MBD6: variants seen among roughly 807,000 people sequenced by gnomAD.
The protein encoded by MBD6 is methyl-CpG binding domain protein 6.
MBD6 carries 22 observed loss-of-function variants against 66.8 expected under a neutral mutation model. The ratio of observed to expected loss-of-function variants is 0.33; its 90% CI spans 0.24 to 0.47. The LOEUF (loss-of-function observed/expected upper bound fraction) is 0.47, where lower values mean the gene tolerates loss of function less well. Among genes scored for constraint, MBD6 ranks in the 20% least tolerant of loss-of-function variants. The pLI, the probability that MBD6 is intolerant of heterozygous loss-of-function variation, is 1.00. For synonymous variants in MBD6, 540 were observed against 534.6 expected (o/e 1.01, Z -0.14); for missense variants, 1,322 against 1,286.9 (o/e 1.03, Z -0.42).
Position 57,525,813 on chromosome 12 carries a change from C to T in MBD6, c.845C>T (p.Pro282Leu). Residue 282 changes from proline (P) to leucine (L), a missense_variant, in exon 6 of 13, where the codon CCT becomes CTT. Pro to Leu is a moderately conservative substitution (Grantham distance 98, BLOSUM62 -3). Transcript: ENST00000355673. The part of the protein sequence containing the change: ...LPPSNNLPAH[P>L]GPASQPPVSS... ...CCGAGCAATAATCTCCCCGCCCACC[C>T]TGGTCCTGCCTCTCAGCCACCAGTG... 1 of 1,613,610 alleles carries T rather than the reference C, an allele frequency of 6.2e-7. No individual in the cohort carries two copies. The highest frequency in any genetic ancestry group is 8.5e-7 in the Non-Finnish European group (1 of 1,179,766).
At chr12:57,531,384 G>A (rs753706094), downstream of MBD6, among the ~76,000 whole-genome samples, 6 of 152,168 alleles carry the variant, frequency 3.9e-5, no homozygotes, top group Non-Finnish European at 8.8e-5. Context: ...AGGTGTGGTG[G>A]TGCGTGCCTG....
downstream of MBD6, chr12:57,530,682 A>G (rs550502131): frequency 2.5e-6 from 4 of 1,612,904 alleles, no homozygotes; most frequent in East Asian, 2.2e-5. Context: ...CCAGCTCCCA[A>G]ATGTGCTCAC....
Position 57,526,017 on chromosome 12 carries a change from C to T in MBD6, c.1049C>T (p.Ala350Val), listed in dbSNP as rs1215718953. The change falls in exon 6 of 13, where the codon GCA becomes GTA. Residue 350 changes from alanine to valine, a missense_variant. By Grantham distance (64) the Ala-to-Val change is moderately conservative. Coordinates refer to ENST00000355673, the MANE Select transcript of MBD6 (RefSeq NM_052897.4). ...CAGGGCCGAAGGCCCCGTGCCCAGGCACCCTCAGCTTCCCACTCCTCATCA... is the reference window on the plus strand; with the variant it reads ...CAGGGCCGAAGGCCCCGTGCCCAGGTACCCTCAGCTTCCCACTCCTCATCA... ...TLQGRRPRAQ[A>V]PSASHSSSLR... The T allele has an allele frequency of 1.2e-6, 2 of 1,613,974 alleles. No homozygotes were observed. The highest frequency in any genetic ancestry group is 1.1e-5 in the South Asian group (1 of 91,076).
In MBD6 at chr12:57,525,730, A is replaced by C. The variant is rs1594858439; in HGVS notation, c.762A>C (p.Pro254=). Residue 254 remains proline (P), a synonymous_variant, in exon 6 of 13, where the codon CCA becomes CCC. Coordinates refer to ENST00000355673, the MANE Select transcript of MBD6 (RefSeq NM_052897.4). ...SPPAPHASSS[P]PSDPPLFHCS... ...CGGCCCCTCATGCCTCCTCCTCACC[A>C]CCTTCAGACCCTCCTCTCTTCCACT... The C allele has an allele frequency of 6.2e-7, 1 of 1,611,408 alleles. No homozygotes were observed. Among genetic ancestry groups the C allele is most frequent in the Admixed American group, 1.7e-5 (1 of 59,840 alleles).
downstream of MBD6, chr12:57,530,606 T>G (rs985060983): frequency 4.7e-5 from 57 of 1,219,950 alleles, no homozygotes; most frequent in Non-Finnish European, 3.9e-5. Context: ...GCTAGAGTTA[T>G]AGTAAAGGGG....
At position 57,527,400 on chromosome 12, in the gene MBD6, C is replaced by T. The variant is rs540300614; in HGVS notation, c.2083-107C>T. 4.3e-4 allele frequency: 594 copies of T among 1,394,110 alleles called. 4 individuals are homozygous for T. The highest frequency in any genetic ancestry group is 3.2e-3 in the African/African-American group (225 of 70,722). 86.4% of individuals were successfully genotyped at this position (1,394,110 alleles called of 1,614,324 possible). A position where few individuals can be genotyped will look rare whatever the true frequency, so the allele number is the denominator to read the frequency against. On this transcript the variant is annotated intron_variant, in intron 7 of 12. Coordinates refer to ENST00000355673, the MANE Select transcript of MBD6 (RefSeq NM_052897.4). ...AAGAATTGGGTCTGTATTTAATAAG[C>T]ATGGCCTATCTCACTTGAGGCTTCA...
At position 57,526,224 on chromosome 12, in the gene MBD6, C is replaced by A; in HGVS notation, c.1256C>A (p.Pro419His). The A allele has an allele frequency of 6.2e-7, 1 of 1,614,098 alleles. No homozygotes were observed. The highest frequency in any genetic ancestry group is 8.5e-7 in the Non-Finnish European group (1 of 1,180,006). ...TCTGTGCTGTCCCTGCTGGGACTCC[C>A]CACCCCTGGCCCTTCCCACTCTGAT... ...LPSVLSLLGL[P>H]TPGPSHSDGS... Residue 419 changes from proline (P) to histidine (H), a missense_variant, in exon 6 of 13, where the codon CCC becomes CAC. Physicochemically the swap from Pro to His is moderately conservative, Grantham distance 77 (BLOSUM62 -2). Coordinates refer to ENST00000355673, the MANE Select transcript of MBD6 (RefSeq NM_052897.4).
chr12:57,524,401 C>T lies in MBD6; in HGVS notation c.98C>T (p.Ala33Val), dbSNP rs1434984331. The change falls in exon 3 of 13, where the codon GCT becomes GTT. Residue 33 changes from alanine (A) to valine (V), a missense_variant. Transcript: ENST00000355673. ...TGGCAGCGCTGTGTGCGAGAGGGTG[C>T]TGTGCTCTACATCAGGTACGGATCT... is the stretch of plus-strand genomic sequence containing the variant. Reference protein sequence around the residue: ...IGWQRCVREGAVLYISPSGTE... With the variant: ...IGWQRCVREGVVLYISPSGTE... 1 of 1,589,920 alleles carries T rather than the reference C, an allele frequency of 6.3e-7. No homozygotes were observed. The highest frequency in any genetic ancestry group is 8.6e-7 in the Non-Finnish European group (1 of 1,168,582).
Position 57,527,954 on chromosome 12 carries a change from G to A in MBD6, c.2343G>A (p.Gly781=). 6.3e-7 allele frequency: 1 copy of A among 1,595,574 alleles called. No homozygotes were observed. The highest frequency in any genetic ancestry group is 8.5e-7 in the Non-Finnish European group (1 of 1,172,578). ...GQLGLQLLPG[G]GAPPPLSEAS... The stretch of plus-strand genomic sequence containing the variant: ...TGGGGCTGCAGCTCCTCCCTGGGGG[G>A]GGAGCTCCTCCACCCCTCTCAGAGG... The change falls in exon 9 of 13, where the codon GGG becomes GGA. Residue 781 remains glycine (G), a synonymous_variant. Transcript: ENST00000355673.
In MBD6 at chr12:57,525,402, C is replaced by T; in HGVS notation, c.434C>T (p.Ala145Val). 1 of 1,542,272 alleles carries T rather than the reference C, an allele frequency of 6.5e-7. No individual in the cohort carries two copies. The highest frequency in any genetic ancestry group is 8.7e-7 in the Non-Finnish European group (1 of 1,151,328). ...ACTGTGTCCCCAGGGCCCCCCTCTGCCCGCCCTCCCTGTCGAGTTCCTCCT... is the reference window on the plus strand; with the variant it reads ...ACTGTGTCCCCAGGGCCCCCCTCTGTCCGCCCTCCCTGTCGAGTTCCTCCT... The part of the protein sequence containing the change: ...FHTVSPGPPS[A>V]RPPCRVPPTT... Residue 145 changes from alanine to valine, a missense_variant, in exon 6 of 13, where the codon GCC (alanine) becomes GTC (valine). Coordinates refer to ENST00000355673, the MANE Select transcript of MBD6 (RefSeq NM_052897.4).
In MBD6 at chr12:57,529,432, C is replaced by CCCT. The variant is rs1879395973; in HGVS notation, c.*200_*201insTCC. On this transcript the variant is annotated 3_prime_UTR_variant, in exon 13 of 13. Coordinates refer to ENST00000355673, the MANE Select transcript of MBD6 (RefSeq NM_052897.4). ...CAGGGAAGTTCACCCCCCCCCACCA[C>CCCT]CCCCCCGCCCCCCCGAAGCCATGTC... 1 of 512,340 alleles carries CCCT rather than the reference C, an allele frequency of 2.0e-6. No individual in the cohort carries two copies. 31.7% of individuals were successfully genotyped at this position (512,340 alleles called of 1,614,324 possible).
At position 57,527,405 on chromosome 12, in the gene MBD6, C is replaced by A. The variant is rs1284605; in HGVS notation, c.2083-102C>A. ...TTGGGTCTGTATTTAATAAGCATGG[C>A]CTATCTCACTTGAGGCTTCAGTCAG... On this transcript the variant is annotated intron_variant, in intron 7 of 12. Transcript: ENST00000355673. 4 of 1,407,492 alleles carry A rather than the reference C, an allele frequency of 2.8e-6. No homozygotes were observed. The African/African-American group carries it at 4.2e-5, about 15-fold the overall frequency. The allele number at this position is 1,407,492 out of a possible 1,614,324, so 87.2% of individuals were successfully genotyped here. A position where few individuals can be genotyped will look rare whatever the true frequency, so the allele number is the denominator to read the frequency against.
chr12:57,531,106 G>C (rs1879657021), downstream of MBD6, among the ~76,000 whole-genome samples: 2 of 152,302 alleles, frequency 1.3e-5, no homozygotes, highest in South Asian at 4.1e-4. Context: ...TGCTCTGGAG[G>C]AAAAGGATAT....
chr12:57,528,893 A>T, intron 11 of MBD6, 53 bp from the exon 12 acceptor site: 1 of 1,613,462 alleles, frequency 6.2e-7, no homozygotes, highest in East Asian at 2.2e-5. Context: ...AAACTTCTGA[A>T]ATTCACCTGG....
chr12:57,530,748 C>T (rs771094724), downstream of MBD6: 15 of 1,613,780 alleles, frequency 9.3e-6, no homozygotes, highest in African/African-American at 1.7e-4. Context: ...TCAACTGTGG[C>T]CAGGTTTTCA....
downstream of MBD6, among the ~76,000 whole-genome samples, chr12:57,531,250 A>G (rs1054462641): frequency 6.6e-6 from 1 of 152,164 alleles, no homozygotes; most frequent in African/African-American, 2.4e-5. Flanking sequence ...GGCCAGGTGC[A>G]GTGGCTCACG....
At position 57,525,792 on chromosome 12, in the gene MBD6, G is replaced by A. The variant is rs878981880; in HGVS notation, c.824G>A (p.Ser275Asn). 7 of 1,468,180 alleles carry A rather than the reference G, an allele frequency of 4.8e-6. No homozygotes were observed. Among genetic ancestry groups the A allele is most frequent in the South Asian group, 4.6e-5 (4 of 87,744 alleles). The allele number at this position is 1,468,180 out of a possible 1,614,324, so 90.9% of individuals were successfully genotyped here. The change falls in exon 6 of 13, where the codon AGC (serine) becomes AAC (asparagine). Residue 275 changes from serine to asparagine, a missense_variant. Physicochemically the swap from Ser to Asn is conservative, Grantham distance 46. Transcript: ENST00000355673. The part of the protein sequence containing the change: ...DALTPPPLPP[S>N]NNLPAHPGPA... ...TTAACACCCCCTCCCCTGCCCCCGA[G>A]CAATAATCTCCCCGCCCACCCTGGT...
At chr12:57,524,614 T>G in intron 3 of MBD6, 106 bp from the exon 4 acceptor site, 1 of 1,171,776 alleles carries the variant, frequency 8.5e-7, no homozygotes, top group Non-Finnish European at 1.3e-6. Context: ...ACATTCCTTA[T>G]CCTCTGTTCT....
At position 57,527,245 on chromosome 12, in the gene MBD6, T is replaced by A; in HGVS notation, c.2082+18T>A. Reference sequence around the variant, plus strand: ...CCCCCCAGGTGAGGATGGGGGTGAGTAGGTGGGACAGAACAAGATGTAGAA... The same window carrying A: ...CCCCCCAGGTGAGGATGGGGGTGAGAAGGTGGGACAGAACAAGATGTAGAA... On this transcript the variant is annotated intron_variant, in intron 7 of 12. Transcript: ENST00000355673. 6.9e-7 allele frequency: 1 copy of A among 1,453,378 alleles called. No homozygotes were observed. Among genetic ancestry groups the A allele is most frequent in the Non-Finnish European group, 9.2e-7 (1 of 1,087,184 alleles). The allele number at this position is 1,453,378 out of a possible 1,614,324, so 90.0% of individuals were successfully genotyped here. A position where few individuals can be genotyped will look rare whatever the true frequency, so the allele number is the denominator to read the frequency against.
Sources: gnomAD v4.1 joint callset for allele counts (sites outside exome capture counted in the v4.1 genomes callset) on GRCh38, gnomAD v4.1.1 for gene constraint, MANE v1.5 for transcripts, NCBI Gene and HGNC (gene_info 2026-07-23, HGNC 2026-07-21) for gene names.